The following GARNL3 variants were observed in gnomAD, a reference collection of about 807,000 sequenced individuals.
GARNL3 encodes the protein GTPase activating Rap/RanGAP domain like 3.
In GARNL3, 63 loss-of-function variants were observed where a neutral mutation model predicts 125.0. The ratio of observed to expected loss-of-function variants is 0.50; its 90% CI spans 0.41 to 0.62. GARNL3 has a LOEUF of 0.62. Among genes scored for constraint, GARNL3 ranks in the 20% least tolerant of loss-of-function variants. The pLI is 0.00. For missense variants in GARNL3, 994 were observed against 1,244.0 expected, an observed-to-expected ratio of 0.80 and a Z score of 3.02; for synonymous variants, 439 against 457.5, an observed-to-expected ratio of 0.96 and a Z score of 0.52.
intron 2 of GARNL3, among the ~76,000 whole-genome samples, chr9:127,311,219 T>TA (rs1327504809): frequency 6.6e-6 from 1 of 151,116 alleles, no homozygotes; most frequent in Admixed American, 6.6e-5. Context: ...GAAAAATACG[T>TA]ATGTATATGC....
intron 7 of GARNL3, among the ~76,000 whole-genome samples, chr9:127,327,710 C>T (rs757505695): frequency 9.9e-5 from 15 of 152,014 alleles, no homozygotes; most frequent in Middle Eastern, 3.2e-3. Flanking sequence ...CATTTTTATC[C>T]GTATTTTGTC....
chr9:127,322,001 C>A (rs1427664125), intron 6 of GARNL3, among the ~76,000 whole-genome samples: 1 of 152,130 alleles, frequency 6.6e-6, no homozygotes, highest in Non-Finnish European at 1.5e-5. Context: ...ATTCTCATAT[C>A]TTTTGTTTTG....
intron 1 of GARNL3, among the ~76,000 whole-genome samples, chr9:127,273,595 G>A (rs966726576): frequency 6.6e-6 from 1 of 152,118 alleles, no homozygotes; most frequent in African/African-American, 2.4e-5. Context: ...TCTCAGACTT[G>A]CTTTTCTTGA....
intron 27 of GARNL3, among the ~76,000 whole-genome samples, chr9:127,391,798 C>A (rs760084870): frequency 6.6e-6 from 1 of 151,758 alleles, no homozygotes; most frequent in Non-Finnish European, 1.5e-5. Flanking sequence ...TCCAGCCTAT[C>A]CGAATGCCAG....
chr9:127,224,932 C>CG (rs1219907241), intron 1 of GARNL3, among the ~76,000 whole-genome samples: 2 of 7,486 alleles, frequency 2.7e-4, no homozygotes, highest in Admixed American at 2.0e-3. Flanking sequence ...GGGGCGTGGG[C>CG]GGGGCGTGGG....
chr9:127,388,878 A>T, intron 25 of GARNL3, 26 bp from the exon 26 acceptor site: 1 of 1,321,154 alleles, frequency 7.6e-7, no homozygotes, highest in Non-Finnish European at 1.1e-6. Flanking sequence ...TAAAGTTCTG[A>T]TGTTCTTTTT....
chr9:127,288,955 A>C (rs2064330967), intron 1 of GARNL3, among the ~76,000 whole-genome samples: 1 of 152,282 alleles, frequency 6.6e-6, no homozygotes, highest in South Asian at 2.1e-4. Flanking sequence ...AGACATTATT[A>C]ATTGATCATA....
chr9:127,321,645 T>G (rs1027591222), intron 6 of GARNL3, among the ~76,000 whole-genome samples: 1 of 152,138 alleles, frequency 6.6e-6, no homozygotes, highest in Admixed American at 6.5e-5. Flanking sequence ...CAACCAAACT[T>G]TTGTCTTGTA....
At chr9:127,243,839 G>A (rs1588674547) in intron 2 of GARNL3, among the ~76,000 whole-genome samples, 1 of 152,142 alleles carries the variant, frequency 6.6e-6, no homozygotes, top group Non-Finnish European at 1.5e-5. Flanking sequence ...CTTTGTTATG[G>A]TGTATGATAA....
At chr9:127,269,298 C>A (rs1053253955) in intron 1 of GARNL3, among the ~76,000 whole-genome samples, 1 of 152,208 alleles carries the variant, frequency 6.6e-6, no homozygotes, top group South Asian at 2.1e-4. Flanking sequence ...CCGCACCCAG[C>A]GTGTTTATTG....
intron 21 of GARNL3, 24 bp from the exon 22 acceptor site, chr9:127,365,276 T>C (rs1249485235): frequency 6.2e-7 from 1 of 1,603,908 alleles, no homozygotes; most frequent in Admixed American, 1.7e-5. Flanking sequence ...GCCTGCCCAC[T>C]ACCGTTGCCC....
rs183217128 is a variant in GARNL3, at chr9:127,384,054, G to A, written c.2269+509G>A. On this transcript the variant is annotated intron_variant, in intron 23 of 27. Coordinates refer to ENST00000373387, the MANE Select transcript of GARNL3 (RefSeq NM_032293.5). The surrounding 1 kb of genome is among the most constrained non-coding windows in gnomAD (Gnocchi z 4.0). The stretch of plus-strand genomic sequence containing the variant: ...CACAACTGGCCATTGCCTTTTGGAA[G>A]TCAGATCAGAGCCAAGAATGTTCCA... Among the ~76,000 whole-genome samples, 5 of 152,336 alleles carry A rather than the reference G, an allele frequency of 3.3e-5. No homozygotes were observed. The highest frequency in any genetic ancestry group is 3.9e-4 in the East Asian group (2 of 5,192).
intron 1 of GARNL3, among the ~76,000 whole-genome samples, chr9:127,232,046 T>C (rs1412454398): frequency 6.6e-6 from 1 of 152,202 alleles, no homozygotes; most frequent in Non-Finnish European, 1.5e-5. Flanking sequence ...ACATCTAAGG[T>C]CCAGGAGCCC....
chr9:127,374,923 A>AC (rs1459811883), intron 22 of GARNL3, among the ~76,000 whole-genome samples: 41 of 151,522 alleles, frequency 2.7e-4, no homozygotes, highest in African/African-American at 8.7e-4. Context: ...AAAAAAAAAA[A>AC]AACAACAAAG....
chr9:127,336,336 T>G (rs1056174523), intron 11 of GARNL3, 100 bp downstream of exon 11: 14 of 736,438 alleles, frequency 1.9e-5, no homozygotes, highest in Non-Finnish European at 2.3e-5. Flanking sequence ...GGACTTGTTT[T>G]GTAATGCTAG....
intron 7 of GARNL3, among the ~76,000 whole-genome samples, chr9:127,329,983 T>A (rs1373848325): frequency 6.6e-6 from 1 of 152,188 alleles, no homozygotes; most frequent in Non-Finnish European, 1.5e-5. Flanking sequence ...GACAGCCTCT[T>A]GGTTTTTTCT....
At chr9:127,380,229 T>TGTGTGA (rs1296799465) in intron 22 of GARNL3, among the ~76,000 whole-genome samples, 2 of 151,724 alleles carry the variant, frequency 1.3e-5, no homozygotes, top group African/African-American at 4.8e-5. Context: ...TGTGTGTGTG[T>TGTGTGA]GTGTGTGTGT....
At chr9:127,255,202 A>C (rs2063476912) in intron 2 of GARNL3, among the ~76,000 whole-genome samples, 2 of 152,200 alleles carry the variant, frequency 1.3e-5, no homozygotes, top group African/African-American at 4.8e-5. Context: ...ATGTAAAAGG[A>C]TGTTCATTAC....
intron 1 of GARNL3, 124 bp from the exon 2 acceptor site, chr9:127,291,044 C>G: frequency 1.1e-6 from 1 of 901,548 alleles, no homozygotes; most frequent in Non-Finnish European, 1.7e-6. Context: ...TTTAAAAAAA[C>G]TGTTAGCTTC....
Sources: gnomAD v4.1 joint callset for allele counts (sites outside exome capture counted in the v4.1 genomes callset) on GRCh38, gnomAD v4.1.1 for gene constraint, Gnocchi (gnomAD v3.1) non-coding constraint, MANE v1.5 for transcripts, NCBI Gene and HGNC (gene_info 2026-07-23, HGNC 2026-07-21) for gene names.